Variants in ROBO1 observed in about 807,000 individuals in gnomAD.
ROBO1 encodes the protein roundabout homolog 1.
In ROBO1, 149 loss-of-function variants were observed where a neutral mutation model predicts 195.9. The observed-to-expected ratio is 0.76, with a 90% confidence interval of 0.67 to 0.87. ROBO1 has a LOEUF of 0.87. ROBO1 is among the 40% of genes least tolerant of loss of function. The pLI is 0.00. For missense variants in ROBO1, 1,933 were observed against 2,068.3 expected (o/e 0.93, Z 1.27); for synonymous variants, 816 against 733.2 (o/e 1.11, Z -1.82).
At chr3:79,020,705 T>G (rs2108271983) in intron 3 of ROBO1, among the ~76,000 whole-genome samples, 1 of 152,058 alleles carries the variant, frequency 6.6e-6, no homozygotes, top group East Asian at 1.9e-4. Context: ...AATAAATAAA[T>G]AAATAAATAA....
At chr3:79,146,171 A>C (rs2108625917) in intron 2 of ROBO1, among the ~76,000 whole-genome samples, 1 of 152,108 alleles carries the variant, frequency 6.6e-6, no homozygotes, top group Non-Finnish European at 1.5e-5. Context: ...TCCTAAATAT[A>C]CAAAGGCAAT....
At chr3:79,487,314 T>A (rs567929370) in intron 2 of ROBO1, among the ~76,000 whole-genome samples, 1 of 151,662 alleles carries the variant, frequency 6.6e-6, no homozygotes, top group Admixed American at 6.6e-5. Context: ...ATGTGCAACA[T>A]TTTTGGTTGA....
intron 4 of ROBO1, among the ~76,000 whole-genome samples, chr3:78,916,557 G>GAAAAAAAAAA (rs969858186): frequency 5.4e-5 from 4 of 74,076 alleles, no homozygotes; most frequent in Admixed American, 1.5e-4. Flanking sequence ...GTCTCAAAAA[G>GAAAAAAAAAA]AAAAAAAAAA....
chr3:79,020,833 G>T (rs1460880239), intron 3 of ROBO1, among the ~76,000 whole-genome samples: 1 of 152,206 alleles, frequency 6.6e-6, no homozygotes, highest in African/African-American at 2.4e-5. Flanking sequence ...AGCAGTACAT[G>T]TAAGAAGCTG....
intron 4 of ROBO1, among the ~76,000 whole-genome samples, chr3:78,912,357 G>A (rs748808872): frequency 6.6e-5 from 10 of 151,868 alleles, no homozygotes; most frequent in Non-Finnish European, 1.2e-4. Flanking sequence ...AGATGGCTTC[G>A]GCTTACAGAA....
chr3:79,496,821 T>C (rs187347536), intron 2 of ROBO1, among the ~76,000 whole-genome samples: 3 of 152,078 alleles, frequency 2.0e-5, no homozygotes, highest in East Asian at 3.9e-4. Flanking sequence ...ATATCTGTCA[T>C]AGGGAATTAA....
At chr3:78,671,549 GCTC>G (rs1002685434) in intron 10 of ROBO1, among the ~76,000 whole-genome samples, 1 of 151,218 alleles carries the variant, frequency 6.6e-6, no homozygotes, top group Non-Finnish European at 1.5e-5. Context: ...ACTTCAATTT[GCTC>G]CTCATTTGTC....
intron 2 of ROBO1, among the ~76,000 whole-genome samples, chr3:79,553,696 A>C (rs918009833): frequency 6.6e-6 from 1 of 152,144 alleles, no homozygotes; most frequent in Non-Finnish European, 1.5e-5. Context: ...CAGTTACTAA[A>C]TACCATAAAA....
chr3:78,603,157 C>T (rs933941768), intron 29 of ROBO1, among the ~76,000 whole-genome samples: 3 of 152,150 alleles, frequency 2.0e-5, no homozygotes, highest in Non-Finnish European at 4.4e-5. Flanking sequence ...CAGCCACTTT[C>T]CTCTTATAAA....
chr3:79,643,253 C>T (rs1053273563), intron 1 of ROBO1, among the ~76,000 whole-genome samples: 2 of 152,136 alleles, frequency 1.3e-5, no homozygotes, highest in African/African-American at 2.4e-5. Context: ...GCTCCTGGGC[C>T]TTCAGCCACA....
chr3:78,822,503 T>G (rs2031106940), intron 4 of ROBO1, among the ~76,000 whole-genome samples: 2 of 152,150 alleles, frequency 1.3e-5, no homozygotes, highest in African/African-American at 2.4e-5. Flanking sequence ...GACTAGAGAA[T>G]GAGCTTTTCT....
At chr3:79,196,872 T>C (rs1373463129) in intron 2 of ROBO1, among the ~76,000 whole-genome samples, 1 of 151,758 alleles carries the variant, frequency 6.6e-6, no homozygotes, top group Admixed American at 6.6e-5. Flanking sequence ...TCCTAGTCTT[T>C]GAATGCTTCA....
At chr3:79,294,199 T>C (rs752626362) in intron 2 of ROBO1, among the ~76,000 whole-genome samples, 17 of 151,418 alleles carry the variant, frequency 1.1e-4, no homozygotes, top group Non-Finnish European at 1.8e-4. Flanking sequence ...TTTCAAACTA[T>C]ATTACCAGGT....
chr3:78,934,838 A>C (rs1361880864), intron 4 of ROBO1, among the ~76,000 whole-genome samples: 10 of 151,892 alleles, frequency 6.6e-5, no homozygotes, highest in Non-Finnish European at 1.3e-4. Context: ...TTATAATAAC[A>C]TATTCTATTT....
intron 4 of ROBO1, among the ~76,000 whole-genome samples, chr3:78,796,977 G>A (rs904962340): frequency 5.9e-5 from 9 of 152,106 alleles, no homozygotes; most frequent in Admixed American, 3.9e-4. Flanking sequence ...TCTTGTACTC[G>A]AATCTCTCCA....
At chr3:79,614,981 C>G (rs1036075675) in intron 1 of ROBO1, among the ~76,000 whole-genome samples, 8 of 152,088 alleles carry the variant, frequency 5.3e-5, no homozygotes, top group Non-Finnish European at 1.0e-4. Context: ...GTCCTCACCC[C>G]TCAACAGGGC....
At chr3:78,764,062 T>C (rs746839217) in intron 4 of ROBO1, among the ~76,000 whole-genome samples, 1 of 152,182 alleles carries the variant, frequency 6.6e-6, no homozygotes, top group Non-Finnish European at 1.5e-5. Flanking sequence ...CTGCTTTATC[T>C]TAAAAAGCAA....
chr3:78,746,839 T>G lies in ROBO1; in HGVS notation c.561A>C (p.Ala187=). 6.3e-7 allele frequency: 1 copy of G among 1,599,402 alleles called. No homozygotes were observed. ...SDVMVAVGEP[A]VMECQPPRGH... ...CTCGTGGAGGTTGGCATTCCATTAC[T>G]GCAGGCTCTCCTACTGCAACCATGA... Residue 187 remains alanine, a synonymous_variant, in exon 5 of 31, where the codon GCA becomes GCC. Coordinates refer to ENST00000464233, the MANE Select transcript of ROBO1 (RefSeq NM_002941.4).
chr3:78,692,206 ACAATC>A (rs2081191067), intron 8 of ROBO1, among the ~76,000 whole-genome samples: 1 of 152,068 alleles, frequency 6.6e-6, no homozygotes, highest in Non-Finnish European at 1.5e-5. Flanking sequence ...TTATTATTGA[ACAATC>A]CAACCTATCT....
Sources: allele counts gnomAD v4.1 joint callset (sites outside exome capture counted in the v4.1 genomes callset), GRCh38; gene constraint gnomAD v4.1.1; transcripts MANE v1.5; gene names NCBI Gene and HGNC (gene_info 2026-07-23, HGNC 2026-07-21).